Variants in A2ML1 observed in about 807,000 individuals in gnomAD.
The protein encoded by A2ML1 is alpha-2-macroglobulin-like protein 1.
A2ML1 carries 161 observed loss-of-function variants against 181.9 expected under a neutral mutation model. That is an observed-to-expected ratio of 0.89 (90% CI 0.78 to 1.01). The LOEUF (loss-of-function observed/expected upper bound fraction) is 1.01. Among genes scored for constraint, A2ML1 ranks in the 50% least tolerant of loss-of-function variants. A2ML1 has a pLI of 0.00. For synonymous variants in A2ML1, 663 were observed against 666.8 expected, an observed-to-expected ratio of 0.99 and a Z score of 0.09; for missense variants, 1,670 against 1,768.1, an observed-to-expected ratio of 0.94 and a Z score of 1.00.
chr12:8,886,276 C>T (rs1267854185), intron 7 of A2ML1, among the ~76,000 whole-genome samples: 2 of 152,118 alleles, frequency 1.3e-5, no homozygotes, highest in Non-Finnish European at 2.9e-5. Context: ...TATGAACATG[C>T]TCTATCCCTT....
At chr12:8,857,739 G>A (rs1349231612) in intron 25 of A2ML1, 151 bp downstream of exon 25, 1 of 1,107,866 alleles carries the variant, frequency 9.0e-7, no homozygotes, top group Non-Finnish European at 1.3e-6. Context: ...CCTCATGGAT[G>A]GTCAAGTCCC....
At chr12:8,849,792 A>T (rs745608519) in intron 17 of A2ML1, 33 bp downstream of exon 17, 8 of 1,587,246 alleles carry the variant, frequency 5.0e-6, no homozygotes, top group Non-Finnish European at 6.9e-6. Flanking sequence ...GGATTCTCTG[A>T]GATGTTAACA....
chr12:8,841,950 A>G (rs1279559737), intron 11 of A2ML1, among the ~76,000 whole-genome samples: 3 of 152,194 alleles, frequency 2.0e-5, no homozygotes, highest in African/African-American at 7.2e-5. Flanking sequence ...AACTGCCACA[A>G]CAATGCTTCT....
At chr12:8,885,375 A>G (rs1234018590) in intron 7 of A2ML1, among the ~76,000 whole-genome samples, 1 of 152,156 alleles carries the variant, frequency 6.6e-6, no homozygotes, top group Non-Finnish European at 1.5e-5. Context: ...ATCAAAATCA[A>G]AATAAAGAGA....
intron 10 of A2ML1, among the ~76,000 whole-genome samples, chr12:8,840,914 A>G (rs1174270969): frequency 6.6e-6 from 1 of 151,134 alleles, no homozygotes; most frequent in Non-Finnish European, 1.5e-5. Context: ...CTCAAAAAAA[A>G]AAAGAAAGAA....
intron 3 of A2ML1, among the ~76,000 whole-genome samples, chr12:8,825,638 C>T (rs987890462): frequency 6.6e-6 from 1 of 152,068 alleles, no homozygotes; most frequent in Non-Finnish European, 1.5e-5. Flanking sequence ...TTCTTGTGCT[C>T]CTTGGGTATT....
At chr12:8,884,043 C>T (rs966291082) in intron 7 of A2ML1, among the ~76,000 whole-genome samples, 1 of 152,096 alleles carries the variant, frequency 6.6e-6, no homozygotes, top group African/African-American at 2.4e-5. Context: ...GCCTTGGCCT[C>T]CCAAAGTGCT....
In A2ML1 at chr12:8,835,527, T is replaced by A. The variant is rs918242341; in HGVS notation, c.504T>A (p.Ile168=). The change falls in exon 6 of 36, where the codon ATT becomes ATA. Residue 168 remains isoleucine, a synonymous_variant. Transcript: ENST00000299698. ...GACAGGATCCAAATAGCAACAGGAT[T>A]GCACAGTGGCTGGAAGTGGTACCTG... is the stretch of plus-strand genomic sequence containing the variant. The part of the protein sequence containing the change: ...VELQDPNSNR[I]AQWLEVVPEQ... 1 of 1,614,142 alleles carries A rather than the reference T, an allele frequency of 6.2e-7. No homozygotes were observed. The highest frequency in any genetic ancestry group is 1.3e-5 in the African/African-American group (1 of 75,044).
At position 8,874,530 on chromosome 12, in the gene A2ML1, G is replaced by A. The variant is rs777235786; in HGVS notation, c.4324+3G>A. 7.5e-6 allele frequency: 12 copies of A among 1,607,006 alleles called. No homozygotes were observed. The highest frequency in any genetic ancestry group is 1.0e-5 in the Non-Finnish European group (12 of 1,173,720). ...GGTCTATGACTACTACCTACCAGGTGAGAGGGCTGAGCTGAAATGAGATCT... is the reference window on the plus strand; with the variant it reads ...GGTCTATGACTACTACCTACCAGGTAAGAGGGCTGAGCTGAAATGAGATCT... On this transcript the variant is annotated splice_donor_region_variant and intron_variant, in intron 34 of 35. Transcript: ENST00000299698.
intron 25 of A2ML1, 144 bp from the exon 26 acceptor site, chr12:8,857,802 T>G: frequency 7.9e-7 from 1 of 1,259,276 alleles, no homozygotes; most frequent in South Asian, 1.4e-5. Context: ...TGGTGCCCAT[T>G]AATGCCTCTC....
chr12:8,849,762 A>G lies in A2ML1; in HGVS notation c.2119+3A>G, dbSNP rs773706747. ...AGAATACAGCACTGCTATGGGTGGTAAGCCACCTCTGTGGTCTGTGGATTC... is the reference window on the plus strand; with the variant it reads ...AGAATACAGCACTGCTATGGGTGGTGAGCCACCTCTGTGGTCTGTGGATTC... On this transcript the variant is annotated splice_donor_region_variant and intron_variant, in intron 17 of 35. Coordinates refer to ENST00000299698, the MANE Select transcript of A2ML1 (RefSeq NM_144670.6). 6.2e-7 allele frequency: 1 copy of G among 1,613,430 alleles called. No homozygotes were observed. Among genetic ancestry groups the G allele is most frequent in the East Asian group, 2.2e-5 (1 of 44,870 alleles).
At position 8,870,717 on chromosome 12, in the gene A2ML1, G is replaced by A. The variant is rs769407339; in HGVS notation, c.4221+1514G>A. Among the ~76,000 whole-genome samples the A allele has an allele frequency of 2.0e-5, 3 of 152,210 alleles. No individual in the cohort carries two copies. The South Asian group carries it at 6.2e-4, about 32-fold the overall frequency. On this transcript the variant is annotated intron_variant, in intron 33 of 35. Transcript: ENST00000299698. ...TTACAGCCACCCTCCTTAGACATAAGGAGACAGAGTTGGAGAGAGAGAGTG... is the reference window on the plus strand; with the variant it reads ...TTACAGCCACCCTCCTTAGACATAAAGAGACAGAGTTGGAGAGAGAGAGTG...
chr12:8,839,508 C>T (rs999059040), intron 10 of A2ML1, among the ~76,000 whole-genome samples: 3 of 104,212 alleles, frequency 2.9e-5, no homozygotes, highest in Admixed American at 1.2e-4. Context: ...ACTCTCCACT[C>T]CCTGTACTCT....
intron 11 of A2ML1, among the ~76,000 whole-genome samples, chr12:8,842,472 G>A (rs1287205822): frequency 6.6e-6 from 1 of 152,080 alleles, no homozygotes; most frequent in Non-Finnish European, 1.5e-5. Context: ...GCCCGCCTTG[G>A]CCTCCCAAAG....
Position 8,848,847 on chromosome 12 carries a change from C to T in A2ML1, c.1961C>T (p.Ser654Leu), listed in dbSNP as rs932293502. Reference protein sequence around the residue: ...PLIDPMPQGHSSQRSIIWRPS... With the variant: ...PLIDPMPQGHLSQRSIIWRPS... ...ATTGACCCAATGCCCCAAGGGCATT[C>T]GAGCCAGCGTTCCATTATCTGGAGG... Residue 654 changes from serine to leucine, a missense_variant, in exon 16 of 36, where the codon TCG becomes TTG. Ser to Leu is a moderately radical substitution (Grantham distance 145). Coordinates refer to ENST00000299698, the MANE Select transcript of A2ML1 (RefSeq NM_144670.6). 7.4e-6 allele frequency: 12 copies of T among 1,614,138 alleles called. No individual in the cohort carries two copies. Among genetic ancestry groups the T allele is most frequent in the South Asian group, 1.1e-5 (1 of 91,064 alleles).
intron 35 of A2ML1, among the ~76,000 whole-genome samples, chr12:8,875,304 C>T (rs1444717890): frequency 6.6e-6 from 1 of 152,102 alleles, no homozygotes; most frequent in East Asian, 1.9e-4. Flanking sequence ...TCTCGAACTC[C>T]TGACTTCAGG....
At chr12:8,825,999 G>A (rs747769908) in intron 3 of A2ML1, among the ~76,000 whole-genome samples, 2 of 152,290 alleles carry the variant, frequency 1.3e-5, no homozygotes, top group South Asian at 2.1e-4. Flanking sequence ...TAGCTTTGCA[G>A]TATAATTTGA....
intron 7 of A2ML1, among the ~76,000 whole-genome samples, chr12:8,884,231 GTT>G (rs796251871): frequency 2.5e-5 from 3 of 121,564 alleles, no homozygotes; most frequent in Non-Finnish European, 3.5e-5. Flanking sequence ...TTTATTTTTT[GTT>G]TTTTTTTGTT....
At chr12:8,826,379 T>C (rs1305102496) in intron 3 of A2ML1, among the ~76,000 whole-genome samples, 1 of 152,188 alleles carries the variant, frequency 6.6e-6, no homozygotes, top group African/African-American at 2.4e-5. Flanking sequence ...TTATAGCTAT[T>C]GTAAATGGAA....
Sources: gnomAD v4.1 joint callset for allele counts (sites outside exome capture counted in the v4.1 genomes callset) on GRCh38, gnomAD v4.1.1 for gene constraint, MANE v1.5 for transcripts, NCBI Gene and HGNC (gene_info 2026-07-23, HGNC 2026-07-21) for gene names.